The following CDC42BPA variants were observed in gnomAD, a reference collection of about 807,000 sequenced individuals.
CDC42BPA encodes serine/threonine-protein kinase MRCK alpha.
In CDC42BPA, 80 loss-of-function variants were observed where a neutral mutation model predicts 223.5. The observed-to-expected ratio is 0.36, with a 90% CI of 0.30 to 0.43. The LOEUF (loss-of-function observed/expected upper bound fraction) is 0.43, where lower values mean the gene tolerates loss of function less well. Ranked by LOEUF, CDC42BPA falls within the 20% of genes least tolerant of loss-of-function variation. The pLI, the probability that CDC42BPA is intolerant of heterozygous loss-of-function variation, is 1.00. For missense variants in CDC42BPA, 1,743 were observed against 2,099.9 expected (o/e 0.83, Z 3.32); for synonymous variants, 694 against 718.6 (o/e 0.97, Z 0.55).
At chr1:227,034,596 A>G in intron 26 of CDC42BPA, 59 bp downstream of exon 26, 1 of 1,485,726 alleles carries the variant, frequency 6.7e-7, no homozygotes, top group Non-Finnish European at 9.1e-7. Context: ...TTTGAAAATC[A>G]GAAACTTTAA....
intron 24 of CDC42BPA, among the ~76,000 whole-genome samples, chr1:227,037,818 T>C (rs543755389): frequency 2.6e-5 from 4 of 152,312 alleles, no homozygotes; most frequent in Middle Eastern, 3.4e-3. Context: ...AAATTTTCTT[T>C]TGCACCAAAA....
intron 6 of CDC42BPA, among the ~76,000 whole-genome samples, chr1:227,152,341 A>G (rs948197631): frequency 6.6e-6 from 1 of 152,042 alleles, no homozygotes; most frequent in African/African-American, 2.4e-5. Context: ...TTTTTCTAAG[A>G]GTTTCACAGT....
At chr1:227,214,212 C>CA (rs34522031) in intron 2 of CDC42BPA, among the ~76,000 whole-genome samples, 17,379 of 121,836 alleles carry the variant, frequency 0.14, 1,020 homozygotes, top group African/African-American at 0.19. Context: ...AATTCAAGTG[C>CA]AAAAAAAAAA....
At chr1:227,166,428 C>T (rs192351941) in intron 5 of CDC42BPA, among the ~76,000 whole-genome samples, 11 of 152,212 alleles carry the variant, frequency 7.2e-5, no homozygotes, top group Non-Finnish European at 1.6e-4. Context: ...AATGGCTTTT[C>T]CATCTAGCTG....
intron 34 of CDC42BPA, among the ~76,000 whole-genome samples, chr1:227,009,866 C>T (rs909405848): frequency 6.6e-6 from 1 of 152,018 alleles, no homozygotes; most frequent in Non-Finnish European, 1.5e-5. Context: ...ACATTTAAAA[C>T]ATTATAATTT....
At chr1:227,233,973 T>C (rs554191806) in intron 2 of CDC42BPA, among the ~76,000 whole-genome samples, 1 of 152,268 alleles carries the variant, frequency 6.6e-6, no homozygotes, top group South Asian at 2.1e-4. Context: ...TAGAAAAGAA[T>C]GTGTAGTCTC....
At chr1:227,258,036 A>G (rs913356227) in intron 1 of CDC42BPA, among the ~76,000 whole-genome samples, 4 of 150,256 alleles carry the variant, frequency 2.7e-5, no homozygotes, top group African/African-American at 5.0e-5. Context: ...TCGGCCAGAC[A>G]CGGTGGCTTG....
intron 10 of CDC42BPA, among the ~76,000 whole-genome samples, chr1:227,129,461 A>C (rs1485503216): frequency 6.6e-6 from 1 of 151,926 alleles, no homozygotes; most frequent in East Asian, 1.9e-4. Context: ...TGAGTACAGG[A>C]GTATGAGACC....
chr1:227,006,949 T>TCAACAA (rs58305329), intron 34 of CDC42BPA, among the ~76,000 whole-genome samples: 11,096 of 148,046 alleles, frequency 0.075, 548 homozygotes, highest in East Asian at 0.24. Context: ...AGACTCCGTC[T>TCAACAA]CAACAACAAC....
intron 5 of CDC42BPA, among the ~76,000 whole-genome samples, chr1:227,177,469 AT>A (rs371979859): frequency 7.3e-5 from 11 of 150,358 alleles, no homozygotes; most frequent in Admixed American, 2.0e-4. Flanking sequence ...AGATCATTCC[AT>A]TTTTTTTTCC....
At chr1:227,254,181 ATT>A (rs1682641339) in intron 1 of CDC42BPA, 26 bp from the exon 2 acceptor site, 1 of 1,159,456 alleles carries the variant, frequency 8.6e-7, no homozygotes, top group African/African-American at 1.6e-5. Flanking sequence ...AATATCAATT[ATT>A]TTCTTAATAA....
At chr1:227,264,316 C>T (rs1193894845) in intron 1 of CDC42BPA, among the ~76,000 whole-genome samples, 1 of 152,120 alleles carries the variant, frequency 6.6e-6, no homozygotes, top group Non-Finnish European at 1.5e-5. Context: ...AATAAATAAG[C>T]TATATGCCTT....
intron 14 of CDC42BPA, chr1:227,111,946 G>C (rs1686999330): frequency 6.0e-6 from 1 of 165,520 alleles, no homozygotes; most frequent in Non-Finnish European, 1.3e-5. Context: ...TATCCTAACA[G>C]ACACAAGTGT....
intron 3 of CDC42BPA, among the ~76,000 whole-genome samples, chr1:227,203,000 A>G (rs1408934702): frequency 6.6e-6 from 1 of 152,174 alleles, no homozygotes; most frequent in Non-Finnish European, 1.5e-5. Context: ...AAACGTATAC[A>G]AGGGTAGAGA....
intron 1 of CDC42BPA, among the ~76,000 whole-genome samples, chr1:227,255,134 C>G (rs1682822372): frequency 6.6e-6 from 1 of 152,188 alleles, no homozygotes; most frequent in Non-Finnish European, 1.5e-5. Flanking sequence ...TCTGCTGCCT[C>G]TAAGAGAAGT....
chr1:227,087,720 C>T (rs1014558219), intron 16 of CDC42BPA, among the ~76,000 whole-genome samples: 1 of 152,194 alleles, frequency 6.6e-6, no homozygotes, highest in Non-Finnish European at 1.5e-5. Flanking sequence ...TATTCTGTAG[C>T]TGTCATCTTC....
intron 1 of CDC42BPA, among the ~76,000 whole-genome samples, chr1:227,296,877 C>G (rs1481630782): frequency 6.7e-6 from 1 of 149,586 alleles, no homozygotes; most frequent in Non-Finnish European, 1.5e-5. Context: ...TGCACATTAT[C>G]AAGAAAGTGA....
At chr1:227,256,938 T>TACACACACACACACACACACACAC (rs1442280387) in intron 1 of CDC42BPA, among the ~76,000 whole-genome samples, 5 of 120,086 alleles carry the variant, frequency 4.2e-5, no homozygotes, top group African/African-American at 9.3e-5. Flanking sequence ...AAATGTGATA[T>TACACACACACACACACACACACAC]ATATATACAG....
At chr1:226,999,853 A>T (rs912599598) in intron 35 of CDC42BPA, among the ~76,000 whole-genome samples, 5 of 151,810 alleles carry the variant, frequency 3.3e-5, no homozygotes, top group African/African-American at 1.2e-4. Flanking sequence ...ACAGGAACAG[A>T]AAACCAAACA....
Sources: allele counts gnomAD v4.1 joint callset (sites outside exome capture counted in the v4.1 genomes callset), GRCh38; gene constraint gnomAD v4.1.1; transcripts MANE v1.5; gene names NCBI Gene and HGNC (gene_info 2026-07-23, HGNC 2026-07-21).